RPS6KC1: variants seen among roughly 807,000 people sequenced by gnomAD.
RPS6KC1 encodes the protein inactive ribosomal protein S6 kinase delta-1.
A neutral mutation model predicts 103.8 loss-of-function variants in RPS6KC1; 54 were observed. The observed-to-expected ratio is 0.52, with a 90% CI of 0.42 to 0.65. The LOEUF is 0.65. Ranked by LOEUF, RPS6KC1 falls within the 30% of genes least tolerant of loss-of-function variation. The pLI, the probability that RPS6KC1 is intolerant of heterozygous loss-of-function variation, is 0.00. For missense variants in RPS6KC1, 1,151 were observed against 1,253.8 expected, an observed-to-expected ratio of 0.92 and a Z score of 1.24; for synonymous variants, 439 against 438.7, an observed-to-expected ratio of 1.00 and a Z score of -0.01.
chr1:213,734,473 G>T, the RPS6KC1 span, among the ~76,000 whole-genome samples: 2 of 152,138 alleles, frequency 1.3e-5, no homozygotes. Context: ...CAGTTGTACA[G>T]TCAGTAGGCC....
chr1:213,512,834 A>T, the RPS6KC1 span, among the ~76,000 whole-genome samples: 1 of 152,178 alleles, frequency 6.6e-6, no homozygotes, highest in African/African-American at 2.4e-5. Flanking sequence ...CCCTGCCAAG[A>T]CATAGGAATT....
chr1:213,550,260 G>A, the RPS6KC1 span, among the ~76,000 whole-genome samples: 1 of 152,162 alleles, frequency 6.6e-6, no homozygotes, highest in South Asian at 2.1e-4. Context: ...AAGAAACACT[G>A]CATCTATTTT....
chr1:213,343,408 T>C, the RPS6KC1 span, among the ~76,000 whole-genome samples: 3 of 21,708 alleles, frequency 1.4e-4, no homozygotes. Flanking sequence ...TATATATATA[T>C]ATATATATAT....
chr1:213,152,938 A>C (rs2089389874), intron 6 of RPS6KC1, among the ~76,000 whole-genome samples: 1 of 152,232 alleles, frequency 6.6e-6, no homozygotes, highest in African/African-American at 2.4e-5. Context: ...ACTGCACTCC[A>C]GCCTGGGCAC....
intron 6 of RPS6KC1, among the ~76,000 whole-genome samples, chr1:213,151,193 G>A (rs2088783834): frequency 3.5e-5 from 5 of 141,856 alleles, no homozygotes; most frequent in African/African-American, 2.6e-5. Context: ...CTCCCTCCCG[G>A]ATGGGGCGGC....
chr1:213,784,103 C>G, the RPS6KC1 span, among the ~76,000 whole-genome samples: 2 of 152,174 alleles, frequency 1.3e-5, no homozygotes, highest in African/African-American at 4.8e-5. Context: ...CAGCTAATTA[C>G]CAGCTCACTT....
At chr1:213,212,889 G>C (rs1427847914) in intron 8 of RPS6KC1, among the ~76,000 whole-genome samples, 2 of 152,086 alleles carry the variant, frequency 1.3e-5, no homozygotes, top group African/African-American at 4.8e-5. Flanking sequence ...TTGGTGAGGT[G>C]TCTGTTAGTC....
chr1:213,553,318 A>G, the RPS6KC1 span, among the ~76,000 whole-genome samples: 2 of 152,116 alleles, frequency 1.3e-5, no homozygotes, highest in Non-Finnish European at 2.9e-5. Flanking sequence ...AGCTCCATCT[A>G]TGTTGCTGCG....
At chr1:213,555,031 T>G in the RPS6KC1 span, among the ~76,000 whole-genome samples, 20 of 152,212 alleles carry the variant, frequency 1.3e-4, no homozygotes, top group Admixed American at 1.3e-3. Context: ...AATGAGCCTG[T>G]GTGGCTAGCT....
the RPS6KC1 span, among the ~76,000 whole-genome samples, chr1:213,384,014 C>T: frequency 7.6e-4 from 115 of 152,252 alleles, no homozygotes; most frequent in African/African-American, 2.6e-3. Context: ...TGGTGGCTCA[C>T]GCCTGTAATC....
At chr1:213,283,998 T>C in the RPS6KC1 span, among the ~76,000 whole-genome samples, 2 of 151,280 alleles carry the variant, frequency 1.3e-5, no homozygotes, top group Non-Finnish European at 3.0e-5. Flanking sequence ...AAAAGAGAAA[T>C]AGGAACAGAA....
At chr1:213,792,576 T>C in the RPS6KC1 span, among the ~76,000 whole-genome samples, 1 of 152,176 alleles carries the variant, frequency 6.6e-6, no homozygotes, top group African/African-American at 2.4e-5. Context: ...AATCGGATGC[T>C]AGGAAAATGA....
intron 10 of RPS6KC1, 29 bp downstream of exon 10, chr1:213,232,284 A>C (rs1459554178): frequency 7.4e-6 from 12 of 1,613,354 alleles, no homozygotes; most frequent in Non-Finnish European, 9.3e-6. Context: ...TTGTTTATGC[A>C]GTGAAGAATG....
chr1:213,554,332 G>C, the RPS6KC1 span, among the ~76,000 whole-genome samples: 3 of 152,062 alleles, frequency 2.0e-5, no homozygotes, highest in African/African-American at 7.2e-5. Flanking sequence ...ATGGTTATCA[G>C]TGTGTGGCTT....
At chr1:213,318,433 C>T in the RPS6KC1 span, among the ~76,000 whole-genome samples, 356 of 152,274 alleles carry the variant, frequency 2.3e-3, 2 homozygotes, top group Non-Finnish European at 3.4e-3. Flanking sequence ...TAATTTGATG[C>T]GCTGCTTGGA....
the RPS6KC1 span, among the ~76,000 whole-genome samples, chr1:213,448,143 T>G: frequency 7.4e-6 from 1 of 134,450 alleles, no homozygotes; most frequent in Non-Finnish European, 1.5e-5. Context: ...GAGGCTAAGG[T>G]GGGAGGATTG....
chr1:213,336,629 C>T, the RPS6KC1 span, among the ~76,000 whole-genome samples: 1 of 152,142 alleles, frequency 6.6e-6, no homozygotes, highest in African/African-American at 2.4e-5. Context: ...CCAATTTAAT[C>T]CTTTCAAAAC....
At chr1:213,470,245 AT>A in the RPS6KC1 span, among the ~76,000 whole-genome samples, 1 of 151,932 alleles carries the variant, frequency 6.6e-6, no homozygotes, top group South Asian at 2.1e-4. Flanking sequence ...TTTTGTTGCT[AT>A]TTTTTGTTTT....
At chr1:213,285,523 G>A in the RPS6KC1 span, among the ~76,000 whole-genome samples, 1 of 152,180 alleles carries the variant, frequency 6.6e-6, no homozygotes, top group Non-Finnish European at 1.5e-5. Context: ...ACTAAAGGAG[G>A]ACTAAGAAGG....
Sources: allele counts gnomAD v4.1 joint callset (sites outside exome capture counted in the v4.1 genomes callset), GRCh38; gene constraint gnomAD v4.1.1; transcripts MANE v1.5; gene names NCBI Gene and HGNC (gene_info 2026-07-23, HGNC 2026-07-21).